PHKA1: variants seen among roughly 807,000 people sequenced by gnomAD.
The protein encoded by PHKA1 is phosphorylase b kinase regulatory subunit alpha, skeletal muscle isoform.
PHKA1 carries 60 observed loss-of-function variants against 110.2 expected under a neutral mutation model. The observed-to-expected ratio is 0.54, with a 90% CI of 0.44 to 0.68. The LOEUF is 0.68. Ranked by LOEUF, PHKA1 falls within the 30% of genes least tolerant of loss-of-function variation. PHKA1 has a pLI of 0.00. For missense variants in PHKA1, 801 were observed against 942.5 expected (o/e 0.85, Z 1.97); for synonymous variants, 316 against 333.6 (o/e 0.95, Z 0.58).
At position 72,590,216 on chromosome X, in the gene PHKA1, C is replaced by T. The variant is rs1428834806; in HGVS notation, c.3243+2888G>A. Among the ~76,000 whole-genome samples the T allele has an allele frequency of 2.7e-5, 3 of 111,425 alleles. No homozygotes were observed. The East Asian group carries it at 8.4e-4, about 31-fold the overall frequency. On this transcript the variant is annotated intron_variant, in intron 29 of 31. Coordinates refer to ENST00000373542, the MANE Select transcript of PHKA1 (RefSeq NM_002637.4). ...TAACCAAAACAGCATGGTACTGGTA[C>T]CAAAACAGAGATATAGACCAATGGG...
intron 21 of PHKA1, among the ~76,000 whole-genome samples, chrX:72,611,940 C>T (rs1054361658): frequency 8.1e-5 from 9 of 111,521 alleles, no homozygotes; most frequent in Non-Finnish European, 1.7e-4. Context: ...TGGTTAAATG[C>T]AGAATTACCA....
At chrX:72,645,573 G>T (rs1342230979) in intron 13 of PHKA1, among the ~76,000 whole-genome samples, 1 of 112,026 alleles carries the variant, frequency 8.9e-6, no homozygotes, top group East Asian at 2.8e-4. Flanking sequence ...GAAAATAAAA[G>T]AGATTCTTCA....
chrX:72,632,296 G>A (rs2053176142), intron 16 of PHKA1, among the ~76,000 whole-genome samples: 1 of 111,294 alleles, frequency 9.0e-6, no homozygotes, highest in Non-Finnish European at 1.9e-5. Context: ...TTGTGATATT[G>A]TCCCTAAGTT....
At chrX:72,684,972 G>T (rs918217148) in intron 4 of PHKA1, among the ~76,000 whole-genome samples, 1 of 111,359 alleles carries the variant, frequency 9.0e-6, no homozygotes, top group African/African-American at 3.3e-5. Flanking sequence ...ATAAAATTAT[G>T]ATTTTAAAAA....
chrX:72,608,971 T>C (rs2052769293), intron 23 of PHKA1, among the ~76,000 whole-genome samples: 1 of 112,390 alleles, frequency 8.9e-6, no homozygotes, highest in Non-Finnish European at 1.9e-5. Flanking sequence ...GATTTAAATT[T>C]TGGCACTGGT....
intron 8 of PHKA1, among the ~76,000 whole-genome samples, chrX:72,663,138 A>G (rs1295737199): frequency 3.6e-5 from 4 of 111,653 alleles, no homozygotes; most frequent in Non-Finnish European, 5.6e-5. Flanking sequence ...GAATAAAGAT[A>G]GATAATAAAA....
Position 72,711,673 on chromosome X carries a change from G to A in PHKA1, c.237+1106C>T, listed in dbSNP as rs1341852434. Among the ~76,000 whole-genome samples, 6 of 111,888 alleles carry A rather than the reference G, an allele frequency of 5.4e-5. No homozygotes were observed. In the Admixed American group the frequency reaches 5.7e-4, roughly 11 times the overall value. On this transcript the variant is annotated intron_variant, in intron 2 of 31. Coordinates refer to ENST00000373542, the MANE Select transcript of PHKA1 (RefSeq NM_002637.4). ...GCAGGAGAATCGCTTGAACACAGGA[G>A]GTGGAGGTTGCAGTGAGCTGAGATC...
At chrX:72,660,454 C>T (rs2053546188) in intron 8 of PHKA1, 3 of 251,496 alleles carry the variant, frequency 1.2e-5, no homozygotes, top group South Asian at 1.3e-4. Context: ...TAAGAATCAA[C>T]ATAAGTGAAA....
Position 72,581,754 on chromosome X carries a change from C to T in PHKA1, c.3499-579G>A, listed in dbSNP as rs1279669894. Reference sequence around the variant, plus strand: ...GATATTTTTCTTTTGCATCTCCTCCCAGTGGCTAACAGAATGAAAACAGCT... The same window carrying T: ...GATATTTTTCTTTTGCATCTCCTCCTAGTGGCTAACAGAATGAAAACAGCT... On this transcript the variant is annotated intron_variant, in intron 31 of 31. Transcript: ENST00000373542. Among the ~76,000 whole-genome samples the T allele has an allele frequency of 2.7e-5, 3 of 111,988 alleles. No individual in the cohort carries two copies. In the East Asian group the frequency reaches 8.4e-4, roughly 31 times the overall value.
intron 8 of PHKA1, among the ~76,000 whole-genome samples, chrX:72,665,810 T>G (rs782206779): frequency 1.8e-5 from 2 of 112,097 alleles, no homozygotes; most frequent in Non-Finnish European, 3.8e-5. Context: ...CAATTATGAA[T>G]AAAGCTGCTG....
At position 72,692,846 on chromosome X, in the gene PHKA1, G is replaced by C. The variant is rs782016912; in HGVS notation, c.454+2862C>G. Among the ~76,000 whole-genome samples, 3 of 109,626 alleles carry C rather than the reference G, an allele frequency of 2.7e-5. No homozygotes were observed. The East Asian group carries it at 8.5e-4, about 31-fold the overall frequency. On this transcript the variant is annotated intron_variant, in intron 4 of 31. Transcript: ENST00000373542. Reference sequence around the variant, plus strand: ...CTGTTTCATTAATTTCTGCTGTAATGTTTATTACTTCATCCTTTCTCTTTG... The same window carrying C: ...CTGTTTCATTAATTTCTGCTGTAATCTTTATTACTTCATCCTTTCTCTTTG...
intron 4 of PHKA1, among the ~76,000 whole-genome samples, chrX:72,691,945 T>A: frequency 8.9e-6 from 1 of 112,297 alleles, no homozygotes; most frequent in Non-Finnish European, 1.9e-5. Context: ...TTCTGATCTA[T>A]GGGGAAAAGC....
At chrX:72,706,446 T>C (rs1316094766) in intron 2 of PHKA1, among the ~76,000 whole-genome samples, 6 of 111,899 alleles carry the variant, frequency 5.4e-5, no homozygotes, top group Non-Finnish European at 1.1e-4. Context: ...CTCTTTAATA[T>C]ACCTGTTATG....
chrX:72,649,793 A>G (rs2053405740), intron 13 of PHKA1, among the ~76,000 whole-genome samples: 1 of 110,698 alleles, frequency 9.0e-6, no homozygotes, highest in Non-Finnish European at 1.9e-5. Context: ...GGAGTTCGAG[A>G]CCAGCCTGAC....
chrX:72,615,681 G>A (rs2052882831), intron 21 of PHKA1, among the ~76,000 whole-genome samples: 1 of 84,885 alleles, frequency 1.2e-5, no homozygotes, highest in Non-Finnish European at 2.2e-5. Context: ...GATAGTAAGA[G>A]AGAAATAAAA....
intron 15 of PHKA1, 137 bp downstream of exon 15, chrX:72,636,140 A>G (rs1272391810): frequency 4.0e-6 from 2 of 497,134 alleles, no homozygotes; most frequent in Non-Finnish European, 3.7e-6. Flanking sequence ...CTCTATAAAT[A>G]TTAACTGAGT....
chrX:72,688,112 C>CCA (rs1218118420), intron 4 of PHKA1, among the ~76,000 whole-genome samples: 1 of 111,321 alleles, frequency 9.0e-6, no homozygotes, highest in African/African-American at 3.3e-5. Flanking sequence ...CAGGTTTGAG[C>CCA]CACTGCGCCT....
intron 22 of PHKA1, among the ~76,000 whole-genome samples, 200 bp from the exon 23 acceptor site, chrX:72,609,903 G>A (rs1380930272): frequency 9.0e-6 from 1 of 111,593 alleles, no homozygotes; most frequent in Non-Finnish European, 1.9e-5. Context: ...CTCCTAGAAA[G>A]TAGGAACTTT....
At chrX:72,611,326 TA>T (rs2052806814) in intron 21 of PHKA1, 142 bp from the exon 22 acceptor site, 1 of 510,341 alleles carries the variant, frequency 2.0e-6, no homozygotes, top group Non-Finnish European at 3.4e-6. Flanking sequence ...AGAATCCTTA[TA>T]AAACTATGAT....
Sources: allele counts gnomAD v4.1 joint callset (sites outside exome capture counted in the v4.1 genomes callset), GRCh38; gene constraint gnomAD v4.1.1; transcripts MANE v1.5; gene names NCBI Gene and HGNC (gene_info 2026-07-23, HGNC 2026-07-21).